Variants in ANKS1B observed in about 807,000 individuals in gnomAD.
ANKS1B encodes ankyrin repeat and sterile alpha motif domain-containing protein 1B.
A neutral mutation model predicts 148.3 loss-of-function variants in ANKS1B; 36 were observed. That is an observed-to-expected ratio of 0.24 (90% CI 0.19 to 0.32). The LOEUF (loss-of-function observed/expected upper bound fraction) is 0.32. ANKS1B is among the 10% of genes least tolerant of loss of function. The pLI, the probability that ANKS1B is intolerant of heterozygous loss-of-function variation, is 1.00. For synonymous variants in ANKS1B, 542 were observed against 560.8 expected (o/e 0.97, Z 0.47); for missense variants, 1,157 against 1,542.6 (o/e 0.75, Z 4.19).
At position 98,934,300 on chromosome 12, in the gene ANKS1B, C is replaced by T. The variant is rs967079576; in HGVS notation, c.2779-102164G>A. On this transcript the variant is annotated intron_variant, in intron 17 of 26. Transcript: ENST00000683438. ...GGCACCGTTTGTGATGACCAGTTGA[C>T]CATGTATGCATGGATTTATTTCTGG... is the stretch of plus-strand genomic sequence containing the variant. Among the ~76,000 whole-genome samples the T allele has an allele frequency of 1.3e-4, 20 of 152,154 alleles. No individual in the cohort carries two copies. The South Asian group carries it at 1.9e-3, about 14-fold the overall frequency.
At chr12:99,131,707 A>G (rs1316418742) in intron 15 of ANKS1B, among the ~76,000 whole-genome samples, 1 of 152,108 alleles carries the variant, frequency 6.6e-6, no homozygotes, top group East Asian at 1.9e-4. Flanking sequence ...ATTTTCTGTG[A>G]TGATGGCTCC....
intron 21 of ANKS1B, among the ~76,000 whole-genome samples, chr12:98,799,669 T>A (rs2098983607): frequency 6.6e-6 from 1 of 152,104 alleles, no homozygotes; most frequent in Non-Finnish European, 1.5e-5. Context: ...TACTTTGTTG[T>A]TAGAAGACCA....
chr12:99,256,204 C>T (rs2075244345), intron 12 of ANKS1B, among the ~76,000 whole-genome samples: 1 of 148,498 alleles, frequency 6.7e-6, no homozygotes, highest in African/African-American at 2.5e-5. Flanking sequence ...GTGCCGAGTT[C>T]GTGTCACTGC....
chr12:98,850,459 ATTTTTT>A (rs59294440), intron 17 of ANKS1B, among the ~76,000 whole-genome samples: 5 of 70,486 alleles, frequency 7.1e-5, no homozygotes, highest in Non-Finnish European at 9.9e-5. Context: ...GAAGCATTGC[ATTTTTT>A]TTTTTTTTTT....
chr12:99,722,762 C>T (rs988125594), intron 8 of ANKS1B, among the ~76,000 whole-genome samples: 5 of 152,198 alleles, frequency 3.3e-5, no homozygotes, highest in South Asian at 2.1e-4. Context: ...AAGCAGCCAC[C>T]GTCAGAGGCT....
chr12:99,730,357 A>G (rs2059015254), intron 8 of ANKS1B, among the ~76,000 whole-genome samples: 2 of 152,116 alleles, frequency 1.3e-5, no homozygotes, highest in East Asian at 3.9e-4. Flanking sequence ...GTGGCAGACA[A>G]TTGCACACTC....
intron 9 of ANKS1B, among the ~76,000 whole-genome samples, chr12:99,543,331 C>T (rs912969412): frequency 3.9e-5 from 6 of 152,000 alleles, no homozygotes; most frequent in African/African-American, 1.4e-4. Context: ...CAAAAGTTGG[C>T]AAGGATATGG....
At position 99,856,009 on chromosome 12, in the gene ANKS1B, G is replaced by A. The variant is rs191164555; in HGVS notation, c.135-30620C>T. 2.0e-5 allele frequency among the ~76,000 whole-genome samples: 3 copies of A among 151,942 alleles called. No individual in the cohort carries two copies. In the East Asian group the frequency reaches 5.8e-4, roughly 29 times the overall value. ...TAAGGTCATACCTTAAGGAGCTAGA[G>A]AAACAAGAAGCAACCAAACCAAACC... On this transcript the variant is annotated intron_variant, in intron 1 of 26. Coordinates refer to ENST00000683438, the MANE Select transcript of ANKS1B (RefSeq NM_001352186.2).
At chr12:99,222,829 G>C (rs1369653594) in intron 14 of ANKS1B, among the ~76,000 whole-genome samples, 1 of 152,176 alleles carries the variant, frequency 6.6e-6, no homozygotes, top group Non-Finnish European at 1.5e-5. Context: ...AAGTGGGTAA[G>C]AACACTTCTA....
chr12:99,302,900 TA>T (rs1472747094), intron 12 of ANKS1B, among the ~76,000 whole-genome samples: 5 of 152,280 alleles, frequency 3.3e-5, no homozygotes, highest in South Asian at 2.1e-4. Context: ...AAGCTGACTA[TA>T]AAACTAAATT....
At chr12:99,133,021 G>GTTTTTTTT (rs61255520) in intron 15 of ANKS1B, among the ~76,000 whole-genome samples, 1 of 139,962 alleles carries the variant, frequency 7.1e-6, no homozygotes. Flanking sequence ...TGGCAACATG[G>GTTTTTTTT]TTTTTTTTTT....
intron 12 of ANKS1B, among the ~76,000 whole-genome samples, chr12:99,354,444 G>A (rs913568041): frequency 6.6e-5 from 10 of 152,066 alleles, no homozygotes; most frequent in East Asian, 1.9e-4. Context: ...TTGTTTGTAC[G>A]TGATGTTGTA....
At chr12:99,509,214 T>A (rs2096740102) in intron 9 of ANKS1B, among the ~76,000 whole-genome samples, 2 of 151,782 alleles carry the variant, frequency 1.3e-5, no homozygotes, top group Non-Finnish European at 1.5e-5. Flanking sequence ...AATATTGAAA[T>A]TAGGCCAATT....
chr12:99,625,490 A>C (rs1456886339), intron 9 of ANKS1B, among the ~76,000 whole-genome samples: 1 of 152,166 alleles, frequency 6.6e-6, no homozygotes, highest in Non-Finnish European at 1.5e-5. Flanking sequence ...AGAATGCAAA[A>C]TTTATATCAC....
chr12:99,156,456 G>C (rs987671564), intron 14 of ANKS1B, among the ~76,000 whole-genome samples: 1 of 152,122 alleles, frequency 6.6e-6, no homozygotes, highest in Admixed American at 6.6e-5. Context: ...GTGGTTTTCT[G>C]TTGTCTTCAA....
chr12:99,136,673 T>C (rs1353752243), intron 15 of ANKS1B, among the ~76,000 whole-genome samples: 2 of 152,166 alleles, frequency 1.3e-5, no homozygotes, highest in Admixed American at 1.3e-4. Context: ...GCATGTTATA[T>C]GGAGATAACC....
intron 15 of ANKS1B, among the ~76,000 whole-genome samples, chr12:99,105,768 CAAAA>C (rs11349848): frequency 1.2e-5 from 1 of 82,926 alleles, no homozygotes; most frequent in Non-Finnish European, 2.4e-5. Flanking sequence ...GACTCTGTCT[CAAAA>C]AAAAAAAAAA....
chr12:98,928,288 TA>T (rs147263706), intron 17 of ANKS1B, among the ~76,000 whole-genome samples: 10,687 of 144,384 alleles, frequency 0.074, 791 homozygotes, highest in South Asian at 0.26. Context: ...GATTCGTAAT[TA>T]AAAAAAAAAA....
chr12:99,827,466 A>G (rs1279977078), intron 1 of ANKS1B, among the ~76,000 whole-genome samples: 1 of 152,188 alleles, frequency 6.6e-6, no homozygotes, highest in African/African-American at 2.4e-5. Flanking sequence ...CTAAAGTACA[A>G]CATGAAGACT....
Sources: gnomAD v4.1 joint callset for allele counts (sites outside exome capture counted in the v4.1 genomes callset) on GRCh38, gnomAD v4.1.1 for gene constraint, MANE v1.5 for transcripts, NCBI Gene and HGNC (gene_info 2026-07-23, HGNC 2026-07-21) for gene names.